The following KRT2 variants were observed in gnomAD, a reference collection of about 807,000 sequenced individuals.
The protein encoded by KRT2 is keratin 2, also known as keratin, type II cytoskeletal 2 epidermal.
KRT2 carries 37 observed loss-of-function variants against 48.5 expected under a neutral mutation model. The ratio of observed to expected loss-of-function variants is 0.76; its 90% CI spans 0.59 to 1.00. The LOEUF is 1.00. Ranked by LOEUF, KRT2 falls within the 50% of genes least tolerant of loss-of-function variation. KRT2 has a pLI of 0.00. For missense variants in KRT2, 880 were observed against 815.2 expected, an observed-to-expected ratio of 1.08 and a Z score of -0.97; for synonymous variants, 324 against 312.2, an observed-to-expected ratio of 1.04 and a Z score of -0.40.
intron 7 of KRT2, 65 bp from the exon 8 acceptor site, chr12:52,645,634 AC>A: frequency 1.3e-6 from 2 of 1,518,908 alleles, no homozygotes; most frequent in South Asian, 2.2e-5. Context: ...ATGTTGTTTT[AC>A]CACTTCCACC....
At chr12:52,647,308 T>C (rs1053492418) in intron 6 of KRT2, among the ~76,000 whole-genome samples, 2 of 152,188 alleles carry the variant, frequency 1.3e-5, no homozygotes, top group Non-Finnish European at 2.9e-5. Flanking sequence ...CCTTTTCTAT[T>C]CCAAAGCTAA....
In KRT2 at chr12:52,651,996, A is replaced by G; in HGVS notation, c.147T>C (p.Gly49=). 1.2e-6 allele frequency: 2 copies of G among 1,611,370 alleles called. No individual in the cohort carries two copies. Among genetic ancestry groups the G allele is most frequent in the African/African-American group, 1.3e-5 (1 of 75,002 alleles). ...SFSCLSRHGG[G]GGGFGGGGFG... is the part of the protein sequence containing the mutation. The stretch of plus-strand genomic sequence containing the variant: ...AGCCGCCTCCACCGAAGCCCCCGCC[A>G]CCACCACCATGGCGGCTCAAGCAGG... The change falls in exon 1 of 9, where the codon GGT becomes GGC. Residue 49 remains glycine (G), a synonymous_variant. Transcript: ENST00000309680.
rs896211870 is a variant in KRT2 at position 52,646,932 on chromosome 12, T to A, written c.1277A>T (p.Asp426Val). 2 of 1,614,072 alleles carry A rather than the reference T, an allele frequency of 1.2e-6. No individual in the cohort carries two copies. The highest frequency in any genetic ancestry group is 1.3e-5 in the African/African-American group (1 of 74,938). ...GGCATGCTCCCCACGCTGCTCGGCA[T>A]CTGCGATGGCATCTTGCACATTCTT... ...QCKNVQDAIA[D>V]AEQRGEHALK... Residue 426 changes from aspartate to valine, a missense_variant, in exon 7 of 9, where the codon GAT (aspartate) becomes GTT (valine). By Grantham distance (152) the Asp-to-Val change is radical. Coordinates refer to ENST00000309680, the MANE Select transcript of KRT2 (RefSeq NM_000423.3).
Position 52,648,405 on chromosome 12 carries a change from C to T in KRT2, c.958-68G>A, listed in dbSNP as rs187636801. ...CTACAGGCAGACAGGAGGCCTCTGT[C>T]TCCCAGCATAAGGGAAACGCAGACC... On this transcript the variant is annotated intron_variant, in intron 4 of 8. Transcript: ENST00000309680. 181 of 1,360,708 alleles carry T rather than the reference C, an allele frequency of 1.3e-4. 1 individual carries two copies. The East Asian group carries it at 4.1e-3, about 31-fold the overall frequency. 84.3% of individuals were successfully genotyped at this position (1,360,708 alleles called of 1,614,324 possible). A position where few individuals can be genotyped will look rare whatever the true frequency, so the allele number is the denominator to read the frequency against.
At chr12:52,645,694 C>A in intron 7 of KRT2, 125 bp from the exon 8 acceptor site, 1 of 899,210 alleles carries the variant, frequency 1.1e-6, no homozygotes, top group Middle Eastern at 2.4e-4. Context: ...GGCTTACACA[C>A]CCCACTTTCT....
At chr12:52,649,215 C>T in intron 3 of KRT2, 113 bp from the exon 4 acceptor site, 1 of 750,144 alleles carries the variant, frequency 1.3e-6, no homozygotes, top group South Asian at 1.4e-5. Context: ...TCCCAGGCTC[C>T]CCAACCTGAT....
intron 3 of KRT2, 117 bp downstream of exon 3, chr12:52,649,797 C>T: frequency 6.1e-6 from 5 of 813,750 alleles, no homozygotes; most frequent in South Asian, 4.1e-5. Context: ...GGGTCTCACT[C>T]CTTTCTCTGG....
At chr12:52,645,613 GT>G (rs2120937584) in intron 7 of KRT2, 44 bp from the exon 8 acceptor site, 1 of 1,597,432 alleles carries the variant, frequency 6.3e-7, no homozygotes, top group East Asian at 2.2e-5. Flanking sequence ...GAACACTTAG[GT>G]TCTGTATGCA....
rs760802866 is a variant in KRT2, at chr12:52,649,063, A to C, written c.901T>G (p.Ser301Ala). 4 of 1,613,566 alleles carry C rather than the reference A, an allele frequency of 2.5e-6. No individual in the cohort carries two copies. The highest frequency in any genetic ancestry group is 1.7e-5 in the Admixed American group (1 of 60,028). ...TCCTGGTTCAGCAGGTCCACCTTGG[A>C]CTGCAACTCCACCTTTATCATGTAG... ...NAYMIKVELQ[S>A]KVDLLNQEIE... The change falls in exon 4 of 9, where the codon TCC (serine) becomes GCC (alanine). Residue 301 changes from serine (S) to alanine (A), a missense_variant. Physicochemically the swap from Ser to Ala is moderately conservative, Grantham distance 99 (BLOSUM62 1). Coordinates refer to ENST00000309680, the MANE Select transcript of KRT2 (RefSeq NM_000423.3).
At chr12:52,649,760 A>G (rs994913491) in intron 3 of KRT2, among the ~76,000 whole-genome samples, 154 bp downstream of exon 3, 2 of 152,206 alleles carry the variant, frequency 1.3e-5, no homozygotes, top group African/African-American at 4.8e-5. Context: ...CTACAGAGAC[A>G]ATTTTGTTTG....
chr12:52,649,842 TG>T, intron 3 of KRT2, 71 bp downstream of exon 3: 1 of 1,162,184 alleles, frequency 8.6e-7, no homozygotes, highest in Non-Finnish European at 1.3e-6. Context: ...ATTTCCAAAC[TG>T]GCTGCTTAGA....
At position 52,652,127 on chromosome 12, in the gene KRT2, A is replaced by C; in HGVS notation, c.16T>G (p.Ser6Ala). The C allele has an allele frequency of 6.5e-7, 1 of 1,550,080 alleles. No homozygotes were observed. Among genetic ancestry groups the C allele is most frequent in the South Asian group, 1.2e-5 (1 of 85,338 alleles). Reference sequence around the variant, plus strand: ...CCTCCTCTTCCTCGAGATTTGCAAGAGATCTGACAACTCATGATGCCTTTG... The same window carrying C: ...CCTCCTCTTCCTCGAGATTTGCAAGCGATCTGACAACTCATGATGCCTTTG... MSCQI[S>A]CKSRGRGGGG... Residue 6 changes from serine to alanine, a missense_variant, in exon 1 of 9, where the codon TCT becomes GCT. Transcript: ENST00000309680.
intron 7 of KRT2, among the ~76,000 whole-genome samples, 169 bp from the exon 8 acceptor site, chr12:52,645,738 C>T (rs951448864): frequency 6.6e-6 from 1 of 152,162 alleles, no homozygotes; most frequent in Non-Finnish European, 1.5e-5. Flanking sequence ...GACGACAGAC[C>T]CCCTTCCATT....
At chr12:52,647,705 C>T (rs780104774) in intron 6 of KRT2, 25 bp downstream of exon 6, 1 of 1,612,934 alleles carries the variant, frequency 6.2e-7, no homozygotes, top group South Asian at 1.1e-5. Flanking sequence ...CCTCCCGCCC[C>T]TCGCTGGACA....
chr12:52,645,643 A>T (rs554698610), intron 7 of KRT2, 74 bp from the exon 8 acceptor site: 1 of 1,485,976 alleles, frequency 6.7e-7, no homozygotes, highest in Admixed American at 1.7e-5. Context: ...TACCACTTCC[A>T]CCCGCAAATG....
At chr12:52,649,632 A>G (rs1941219102) in intron 3 of KRT2, among the ~76,000 whole-genome samples, 1 of 152,190 alleles carries the variant, frequency 6.6e-6, no homozygotes, top group Non-Finnish European at 1.5e-5. Context: ...GGAGAATACA[A>G]AGAGATTTTT....
At chr12:52,650,166 C>CA in intron 2 of KRT2, among the ~76,000 whole-genome samples, 173 bp downstream of exon 2, 1 of 152,194 alleles carries the variant, frequency 6.6e-6, no homozygotes, top group African/African-American at 2.4e-5. Flanking sequence ...ATACAAAAGA[C>CA]AAAAATGATC....
In KRT2 at chr12:52,644,903, C is replaced by T; in HGVS notation, c.*116G>A. 9.1e-7 allele frequency: 1 copy of T among 1,093,134 alleles called. No individual in the cohort carries two copies. The highest frequency in any genetic ancestry group is 1.4e-6 in the Non-Finnish European group (1 of 732,336). 67.7% of individuals were successfully genotyped at this position (1,093,134 alleles called of 1,614,324 possible). A position where few individuals can be genotyped will look rare whatever the true frequency, so the allele number is the denominator to read the frequency against. Reference sequence around the variant, plus strand: ...ACATTCTTTTCCCTCAAAGTGCCATCAGAGATAAATGACAAAAATTTAACT... The same window carrying T: ...ACATTCTTTTCCCTCAAAGTGCCATTAGAGATAAATGACAAAAATTTAACT... On this transcript the variant is annotated 3_prime_UTR_variant, in exon 9 of 9. Coordinates refer to ENST00000309680, the MANE Select transcript of KRT2 (RefSeq NM_000423.3).
chr12:52,650,042 C>T, intron 2 of KRT2, 68 bp from the exon 3 acceptor site: 1 of 1,142,296 alleles, frequency 8.8e-7, no homozygotes, highest in Middle Eastern at 1.9e-4. Context: ...TCCTTTTATA[C>T]TGGATTCACC....
Sources: allele counts gnomAD v4.1 joint callset (sites outside exome capture counted in the v4.1 genomes callset), GRCh38; gene constraint gnomAD v4.1.1; transcripts MANE v1.5; gene names NCBI Gene and HGNC (gene_info 2026-07-23, HGNC 2026-07-21).